Variants in ARHGAP42 observed in about 807,000 individuals in gnomAD.
The protein encoded by ARHGAP42 is Rho GTPase activating protein 42.
Under a neutral mutation model 125.0 loss-of-function variants are expected in ARHGAP42, and 63 were observed. The ratio of observed to expected loss-of-function variants is 0.50; its 90% CI spans 0.41 to 0.62. The LOEUF (loss-of-function observed/expected upper bound fraction) is 0.62. Ranked by LOEUF, ARHGAP42 falls within the 20% of genes least tolerant of loss-of-function variation. The pLI is 0.00. For missense variants in ARHGAP42, 766 were observed against 1,024.2 expected (o/e 0.75, Z 3.44); for synonymous variants, 339 against 351.0 (o/e 0.97, Z 0.38).
chr11:100,954,237 C>T (rs1591318959), intron 12 of ARHGAP42, among the ~76,000 whole-genome samples: 1 of 152,100 alleles, frequency 6.6e-6, no homozygotes, highest in South Asian at 2.1e-4. Context: ...AGAAAAGGCA[C>T]TTAGATCTCA....
chr11:100,803,343 G>C (rs1270557212), intron 3 of ARHGAP42, among the ~76,000 whole-genome samples: 2 of 152,134 alleles, frequency 1.3e-5, no homozygotes, highest in East Asian at 3.9e-4. Context: ...TTTAGGAGTT[G>C]TCAACATGTG....
intron 1 of ARHGAP42, among the ~76,000 whole-genome samples, chr11:100,767,590 T>TA (rs1166272737): frequency 2.0e-5 from 3 of 152,100 alleles, no homozygotes; most frequent in African/African-American, 7.2e-5. Flanking sequence ...ATGAGTTCCC[T>TA]AGGACAGAGC....
intron 1 of ARHGAP42, among the ~76,000 whole-genome samples, chr11:100,767,951 G>C (rs1862869952): frequency 6.6e-6 from 1 of 152,172 alleles, no homozygotes; most frequent in African/African-American, 2.4e-5. Flanking sequence ...TCCTTGGTGA[G>C]TGTGTTGGTA....
At chr11:100,873,707 C>G (rs1305861473) in intron 4 of ARHGAP42, among the ~76,000 whole-genome samples, 1 of 152,146 alleles carries the variant, frequency 6.6e-6, no homozygotes, top group Non-Finnish European at 1.5e-5. Flanking sequence ...ATCTTTACAA[C>G]AAATCCATGA....
At chr11:100,830,169 T>C (rs563942679) in intron 3 of ARHGAP42, among the ~76,000 whole-genome samples, 1 of 152,310 alleles carries the variant, frequency 6.6e-6, no homozygotes, top group Non-Finnish European at 1.5e-5. Flanking sequence ...CAATTTTCAA[T>C]ATTACACATG....
chr11:100,753,755 G>T (rs1184252703), intron 1 of ARHGAP42, among the ~76,000 whole-genome samples: 1 of 152,162 alleles, frequency 6.6e-6, no homozygotes, highest in African/African-American at 2.4e-5. Context: ...TTCCCACACT[G>T]GATAGGATTA....
In ARHGAP42 at chr11:100,803,922, A is replaced by G. The variant is rs371209014; in HGVS notation, c.312+8756A>G. 3.0e-4 allele frequency among the ~76,000 whole-genome samples: 46 copies of G among 152,332 alleles called. 2 individuals are homozygous for G. In the East Asian group the frequency reaches 5.2e-3, roughly 17 times the overall value. On this transcript the variant is annotated intron_variant, in intron 3 of 23. Coordinates refer to ENST00000298815, the MANE Select transcript of ARHGAP42 (RefSeq NM_152432.4). The stretch of plus-strand genomic sequence containing the variant: ...TTTCATTTTGATGAACATGAGAACT[A>G]TCATTGCCCACAACATTTCACATTT...
intron 1 of ARHGAP42, among the ~76,000 whole-genome samples, chr11:100,769,368 G>C (rs181582828): frequency 3.3e-5 from 5 of 152,050 alleles, no homozygotes; most frequent in Admixed American, 2.6e-4. Context: ...TTAATCACTC[G>C]GTTAGGTTGC....
chr11:100,813,854 CG>C (rs1864204019), intron 3 of ARHGAP42, among the ~76,000 whole-genome samples: 1 of 152,042 alleles, frequency 6.6e-6, no homozygotes, highest in African/African-American at 2.4e-5. Flanking sequence ...ATAAGACTGG[CG>C]GCAACATGTA....
intron 3 of ARHGAP42, among the ~76,000 whole-genome samples, chr11:100,843,061 A>G (rs1864979014): frequency 6.6e-6 from 1 of 152,150 alleles, no homozygotes; most frequent in Admixed American, 6.6e-5. Flanking sequence ...AAATGGATAG[A>G]CCATTAGCAA....
intron 4 of ARHGAP42, among the ~76,000 whole-genome samples, chr11:100,860,441 A>T (rs1865418515): frequency 6.6e-6 from 1 of 152,086 alleles, no homozygotes; most frequent in Admixed American, 6.6e-5. Flanking sequence ...TCTTCCAATG[A>T]TGAAACCTTC....
intron 1 of ARHGAP42, among the ~76,000 whole-genome samples, chr11:100,726,131 G>C (rs914707884): frequency 6.6e-6 from 1 of 151,352 alleles, no homozygotes; most frequent in African/African-American, 2.4e-5. Flanking sequence ...TGCAGGCAGA[G>C]TTAAGAAATG....
intron 4 of ARHGAP42, among the ~76,000 whole-genome samples, chr11:100,889,435 G>A (rs1181293277): frequency 6.6e-6 from 1 of 152,162 alleles, no homozygotes; most frequent in African/African-American, 2.4e-5. Context: ...GCATCAAGGT[G>A]CCACCTTGAA....
At chr11:100,861,002 T>G (rs1865432382) in intron 4 of ARHGAP42, among the ~76,000 whole-genome samples, 1 of 152,210 alleles carries the variant, frequency 6.6e-6, no homozygotes, top group South Asian at 2.1e-4. Context: ...ATGTCCCTAT[T>G]ATCTTTCATG....
intron 6 of ARHGAP42, among the ~76,000 whole-genome samples, chr11:100,927,392 C>T (rs561316110): frequency 2.0e-5 from 3 of 152,200 alleles, no homozygotes; most frequent in South Asian, 4.2e-4. Flanking sequence ...AAATTTCTAT[C>T]CTGTTTAAAA....
intron 9 of ARHGAP42, 37 bp from the exon 10 acceptor site, chr11:100,943,722 T>C (rs1361355182): frequency 1.5e-6 from 2 of 1,355,236 alleles, no homozygotes; most frequent in African/African-American, 2.9e-5. Flanking sequence ...AATTCACTTG[T>C]CAGCATGTTA....
intron 1 of ARHGAP42, among the ~76,000 whole-genome samples, chr11:100,750,995 A>G (rs1862437401): frequency 6.8e-6 from 1 of 147,514 alleles, no homozygotes; most frequent in South Asian, 2.1e-4. Context: ...CTGGAGTGCA[A>G]TGGCATGATC....
intron 3 of ARHGAP42, among the ~76,000 whole-genome samples, chr11:100,845,800 A>T (rs1331709887): frequency 6.6e-6 from 1 of 152,130 alleles, no homozygotes; most frequent in African/African-American, 2.4e-5. Context: ...AGTAATGTAG[A>T]TAATATGTTC....
chr11:100,928,184 T>C (rs74627093), intron 6 of ARHGAP42, among the ~76,000 whole-genome samples: 7,008 of 152,300 alleles, frequency 0.046, 314 homozygotes, highest in East Asian at 0.25. Context: ...GCCCTACTTT[T>C]CTAATCTTCT....
Sources: allele counts gnomAD v4.1 joint callset (sites outside exome capture counted in the v4.1 genomes callset), GRCh38; gene constraint gnomAD v4.1.1; transcripts MANE v1.5; gene names NCBI Gene and HGNC (gene_info 2026-07-23, HGNC 2026-07-21).